KCNMA1: variants seen among roughly 807,000 people sequenced by gnomAD.
KCNMA1 encodes Calcium-activated potassium channel subunit alpha-1.
KCNMA1 carries 29 observed loss-of-function variants against 140.0 expected under a neutral mutation model. The observed-to-expected ratio is 0.21, with a 90% confidence interval of 0.15 to 0.28. KCNMA1 has a LOEUF of 0.28. Ranked by LOEUF, KCNMA1 falls within the 10% of genes least tolerant of loss-of-function variation. The pLI is 1.00. For missense variants in KCNMA1, 880 were observed against 1,602.2 expected, an observed-to-expected ratio of 0.55 and a Z score of 7.70; for synonymous variants, 612 against 611.9, an observed-to-expected ratio of 1.00 and a Z score of 0.00.
intron 1 of KCNMA1, among the ~76,000 whole-genome samples, chr10:77,483,113 C>T (rs2098420633): frequency 6.6e-6 from 1 of 151,752 alleles, no homozygotes; most frequent in South Asian, 2.1e-4. Flanking sequence ...CAGTCAACAT[C>T]CAACCAATTA....
intron 13 of KCNMA1, 78 bp downstream of exon 13, chr10:77,079,403 T>TGAGC: frequency 1.3e-6 from 1 of 799,400 alleles, no homozygotes; most frequent in African/African-American, 1.7e-5. Flanking sequence ...TGTGTGTGTG[T>TGAGC]GAGCCTGTAT....
At chr10:77,186,101 C>T (rs544870071) in intron 3 of KCNMA1, among the ~76,000 whole-genome samples, 3 of 152,260 alleles carry the variant, frequency 2.0e-5, no homozygotes, top group South Asian at 4.1e-4. Flanking sequence ...AAGGACAACG[C>T]TTGGCTGTTC....
At chr10:77,635,476 C>T (rs1477979539) in intron 1 of KCNMA1, 1 of 152,158 alleles carries the variant, frequency 6.6e-6, no homozygotes. Flanking sequence ...GCTATCTTTC[C>T]CCTAAAGACA....
At chr10:77,488,322 C>A (rs1467470617) in intron 1 of KCNMA1, among the ~76,000 whole-genome samples, 1 of 152,184 alleles carries the variant, frequency 6.6e-6, no homozygotes. Context: ...GGCATCCTGA[C>A]ACCTGGGAGC....
chr10:77,499,299 G>T (rs965300762), intron 1 of KCNMA1, among the ~76,000 whole-genome samples: 1 of 151,760 alleles, frequency 6.6e-6, no homozygotes, highest in African/African-American at 2.4e-5. Flanking sequence ...TAGAGGACAG[G>T]CAGCCAATTC....
intron 18 of KCNMA1, among the ~76,000 whole-genome samples, chr10:77,005,438 T>C (rs2088148510): frequency 6.6e-6 from 1 of 152,020 alleles, no homozygotes; most frequent in East Asian, 1.9e-4. Context: ...CAGACAAGAG[T>C]GTGTCTCTGG....
chr10:77,636,102 C>A, intron 1 of KCNMA1: 2 of 769,034 alleles, frequency 2.6e-6, no homozygotes, highest in Non-Finnish European at 3.8e-6. Flanking sequence ...ATCTACCCTG[C>A]ACTATTCCCC....
At chr10:77,212,491 G>T (rs1398724209) in intron 3 of KCNMA1, among the ~76,000 whole-genome samples, 1 of 152,058 alleles carries the variant, frequency 6.6e-6, no homozygotes, top group African/African-American at 2.4e-5. Flanking sequence ...TACCTATTGG[G>T]TACTATGCTC....
intron 5 of KCNMA1, among the ~76,000 whole-genome samples, chr10:77,132,674 A>G (rs2097891045): frequency 6.6e-6 from 1 of 152,154 alleles, no homozygotes; most frequent in Admixed American, 6.5e-5. Flanking sequence ...GATAAATTTT[A>G]TAACATCAAT....
At chr10:76,966,821 C>G (rs1228497115) in intron 20 of KCNMA1, among the ~76,000 whole-genome samples, 1 of 152,190 alleles carries the variant, frequency 6.6e-6, no homozygotes, top group African/African-American at 2.4e-5. Flanking sequence ...CATCATTACA[C>G]GTGTGTCCTC....
intron 2 of KCNMA1, among the ~76,000 whole-genome samples, chr10:77,366,110 C>CCTTCTTTCTT (rs1555244425): frequency 6.7e-6 from 1 of 150,042 alleles, no homozygotes; most frequent in Non-Finnish European, 1.5e-5. Flanking sequence ...CATGTTCTTT[C>CCTTCTTTCTT]TTTCTTTCTT....
chr10:77,028,789 A>G (rs190280083), intron 15 of KCNMA1, among the ~76,000 whole-genome samples: 36 of 152,308 alleles, frequency 2.4e-4, no homozygotes, highest in African/African-American at 8.7e-4. Flanking sequence ...CATAGTGCAT[A>G]GTGAATAGAC....
chr10:76,972,602 A>C (rs565252086), intron 19 of KCNMA1, among the ~76,000 whole-genome samples: 1 of 152,348 alleles, frequency 6.6e-6, no homozygotes, highest in South Asian at 2.1e-4. Context: ...TGCCTCTTCT[A>C]TGCAAAGAAA....
In KCNMA1 at chr10:77,637,625, G is replaced by GCCGCCA. The variant is rs2093906615; in HGVS notation, c.12_17dup (p.Gly9_Gly10dup). On this transcript the variant is annotated inframe_insertion, in exon 1 of 28. Transcript: ENST00000286628. ...CGCCGCCGCTGCTGCCGCCGCCGCCGCCGCCACCATTTGCCATAGCTAGCA... is the reference window on the plus strand; with the variant it reads ...CGCCGCCGCTGCTGCCGCCGCCGCCGCCGCCACCGCCACCATTTGCCATAGCTAGCA... 11 of 1,523,370 alleles carry GCCGCCA rather than the reference G, an allele frequency of 7.2e-6. No individual in the cohort carries two copies. Among genetic ancestry groups the GCCGCCA allele is most frequent in the East Asian group, 5.0e-5 (2 of 40,350 alleles). 94.4% of individuals were successfully genotyped at this position (1,523,370 alleles called of 1,614,324 possible). A position where few individuals can be genotyped will look rare whatever the true frequency, so the allele number is the denominator to read the frequency against.
At chr10:77,383,339 TGCTGGGG>T (rs555414396) in intron 2 of KCNMA1, among the ~76,000 whole-genome samples, 1 of 151,882 alleles carries the variant, frequency 6.6e-6, no homozygotes, top group South Asian at 2.1e-4. Flanking sequence ...TGTGCAGGTG[TGCTGGGG>T]GCTTCTAGAA....
intron 2 of KCNMA1, among the ~76,000 whole-genome samples, chr10:77,313,479 C>T (rs2079909155): frequency 6.6e-6 from 1 of 152,132 alleles, no homozygotes; most frequent in African/African-American, 2.4e-5. Flanking sequence ...TTTTTATTTA[C>T]TGAAGGATGT....
At chr10:76,905,777 T>C (rs1393143893) in intron 25 of KCNMA1, among the ~76,000 whole-genome samples, 1 of 152,250 alleles carries the variant, frequency 6.6e-6, no homozygotes, top group Admixed American at 6.5e-5. Context: ...TTTATTCACT[T>C]ACCTATTTAC....
At chr10:77,286,701 A>C (rs922095123) in intron 2 of KCNMA1, among the ~76,000 whole-genome samples, 2 of 150,248 alleles carry the variant, frequency 1.3e-5, no homozygotes, top group Non-Finnish European at 2.9e-5. Flanking sequence ...CCTAGCCAGC[A>C]GCAATCTTAT....
intron 13 of KCNMA1, 21 bp from the exon 14 acceptor site, chr10:77,073,273 A>G (rs1380436896): frequency 1.1e-5 from 18 of 1,613,352 alleles, no homozygotes; most frequent in Non-Finnish European, 1.4e-5. Context: ...AAAAGCAGGT[A>G]TGAGACCTTG....
Sources: gnomAD v4.1 joint callset for allele counts (sites outside exome capture counted in the v4.1 genomes callset) on GRCh38, gnomAD v4.1.1 for gene constraint, MANE v1.5 for transcripts, NCBI Gene and HGNC (gene_info 2026-07-23, HGNC 2026-07-21) for gene names.